Variants in IDO2 observed in about 807,000 individuals in gnomAD.
The protein encoded by IDO2 is indoleamine 2,3-dioxygenase-like 1 protein.
IDO2 carries 46 observed loss-of-function variants against 45.1 expected under a neutral mutation model. The observed-to-expected ratio is 1.02, with a 90% CI of 0.80 to 1.30. IDO2 has a LOEUF of 1.30. IDO2 is among the 50% of genes most tolerant of loss of function. The pLI is 0.00. For missense variants in IDO2, 544 were observed against 491.8 expected, an observed-to-expected ratio of 1.11 and a Z score of -1.00; for synonymous variants, 218 against 184.9, an observed-to-expected ratio of 1.18 and a Z score of -1.45.
chr8:39,942,408 T>C (rs113650357), intron 1 of IDO2, among the ~76,000 whole-genome samples: 1 of 151,876 alleles, frequency 6.6e-6, no homozygotes, highest in Non-Finnish European at 1.5e-5. Flanking sequence ...TTTTGGGAGG[T>C]TGAGGCAGGC....
exon 11 of IDO2, chr8:40,016,310 C>A (rs1005431475): frequency 7.5e-5 from 30 of 397,516 alleles, no homozygotes; most frequent in Middle Eastern, 1.3e-3. Context: ...ATGAATGGAT[C>A]CTATATAAGT....
intron 1 of IDO2, among the ~76,000 whole-genome samples, chr8:39,947,198 A>G (rs1807748102): frequency 6.7e-6 from 1 of 149,126 alleles, no homozygotes; most frequent in Admixed American, 6.7e-5. Flanking sequence ...AAAAAAAAGA[A>G]GTAGAGTGTT....
At chr8:39,988,062 C>G (rs146858481) in intron 7 of IDO2, 92 bp downstream of exon 7, 13 of 721,782 alleles carry the variant, frequency 1.8e-5, no homozygotes, top group Non-Finnish European at 2.6e-5. Context: ...TTTCTCAACA[C>G]AAATGAACAT....
chr8:39,992,644 T>G (rs1224049905), intron 8 of IDO2, among the ~76,000 whole-genome samples: 1 of 152,242 alleles, frequency 6.6e-6, no homozygotes, highest in Non-Finnish European at 1.5e-5. Flanking sequence ...ATCACCTGAA[T>G]GCTCCAGTCA....
At chr8:40,009,264 C>T (rs1474021455) in intron 9 of IDO2, among the ~76,000 whole-genome samples, 1 of 152,176 alleles carries the variant, frequency 6.6e-6, no homozygotes, top group African/African-American at 2.4e-5. Flanking sequence ...ATCTGCCCAC[C>T]TTGGTCCCCC....
chr8:40,004,654 G>T (rs2129595313), intron 8 of IDO2, among the ~76,000 whole-genome samples: 1 of 150,860 alleles, frequency 6.6e-6, no homozygotes, highest in Admixed American at 6.7e-5. Flanking sequence ...GAATTCAGAG[G>T]GGTCCCACTA....
intron 8 of IDO2, among the ~76,000 whole-genome samples, chr8:39,995,730 A>G (rs959961024): frequency 6.6e-6 from 1 of 152,242 alleles, no homozygotes; most frequent in African/African-American, 2.4e-5. Context: ...CCAGTATTAT[A>G]ATAATCTTTG....
rs538930165 is a variant in IDO2, at chr8:39,984,880, T to C, written c.435-628T>C. ...TAGGAATCAACTAGCTAGAATAAAA[T>C]GTGGGGTTGTGGTAAATACAAAAAT... On this transcript the variant is annotated intron_variant, in intron 5 of 10. Coordinates refer to ENST00000502986, the Ensembl canonical transcript of IDO2. 5.6e-5 allele frequency: 24 copies of C among 431,430 alleles called. 1 individual carries two copies. In the East Asian group the frequency reaches 1.8e-3, roughly 32 times the overall value. The allele number at this position is 431,430 out of a possible 1,614,324, so 26.7% of individuals were successfully genotyped here.
chr8:39,941,696 G>T (rs999583284), intron 1 of IDO2, among the ~76,000 whole-genome samples: 3 of 152,108 alleles, frequency 2.0e-5, no homozygotes, highest in Admixed American at 6.5e-5. Flanking sequence ...GCTCATTAAT[G>T]CTGCAAATGT....
intron 8 of IDO2, among the ~76,000 whole-genome samples, chr8:39,996,085 A>G (rs1802042765): frequency 6.6e-6 from 1 of 150,938 alleles, no homozygotes; most frequent in Non-Finnish European, 1.5e-5. Flanking sequence ...AAAAAAAAAA[A>G]AAAGAAAAGA....
At chr8:39,952,541 C>T (rs1379444411) in intron 2 of IDO2, among the ~76,000 whole-genome samples, 1 of 152,206 alleles carries the variant, frequency 6.6e-6, no homozygotes, top group Non-Finnish European at 1.5e-5. Context: ...AATGTTCAAA[C>T]CTTTCCAAGC....
At chr8:39,946,338 G>A (rs7837942) in intron 1 of IDO2, among the ~76,000 whole-genome samples, 5,508 of 152,278 alleles carry the variant, frequency 0.036, 323 homozygotes, top group African/African-American at 0.13. Flanking sequence ...CCCACTGGGC[G>A]GTGGCTCATG....
intron 1 of IDO2, among the ~76,000 whole-genome samples, chr8:39,947,435 T>C (rs564980922): frequency 8.0e-4 from 122 of 152,346 alleles, no homozygotes; most frequent in African/African-American, 2.9e-3. Context: ...GGCATGTTTA[T>C]ACTGGTCTAA....
At chr8:40,015,562 G>A (rs1246289087) in exon 11 of IDO2, 21 of 1,613,722 alleles carry the variant, frequency 1.3e-5, no homozygotes, top group Non-Finnish European at 1.7e-5. Flanking sequence ...AAGAGTGTCA[G>A]GGATAAGACC....
chr8:40,007,800 G>T (rs1433315129), intron 9 of IDO2, among the ~76,000 whole-genome samples: 1 of 152,170 alleles, frequency 6.6e-6, no homozygotes, highest in Non-Finnish European at 1.5e-5. Context: ...AAGCTCAACT[G>T]ACTTTTCCAT....
intron 6 of IDO2, chr8:39,985,781 C>A: frequency 2.6e-6 from 1 of 384,024 alleles, no homozygotes; most frequent in Non-Finnish European, 4.7e-6. Context: ...AAGTAATGTG[C>A]AATGCAAACA....
At chr8:39,956,815 G>A (rs1206399380) in intron 2 of IDO2, among the ~76,000 whole-genome samples, 2 of 152,042 alleles carry the variant, frequency 1.3e-5, no homozygotes, top group African/African-American at 4.8e-5. Context: ...GGGAGGCTGA[G>A]GCGGGTGGAT....
rs10105305 is a variant in IDO2 at position 39,937,236 on chromosome 8, A to T, written c.-18+2018A>T. ...GTTGAATGATGGCTCCCAGTTTATC[A>T]TGCAGGTGGGATTATATTCCAACAG... On this transcript the variant is annotated intron_variant, in intron 1 of 10. Transcript: ENST00000502986. 6.5e-3 allele frequency among the ~76,000 whole-genome samples: 986 copies of T among 152,328 alleles called. 15 individuals are homozygous for T. The highest frequency in any genetic ancestry group is 0.023 in the African/African-American group (939 of 41,562).
Position 39,982,649 on chromosome 8 carries a change from A to G in IDO2, c.316-3A>G. 1 of 1,584,802 alleles carries G rather than the reference A, an allele frequency of 6.3e-7. No homozygotes were observed. Among genetic ancestry groups the G allele is most frequent in the Non-Finnish European group, 8.6e-7 (1 of 1,157,798 alleles). On this transcript the variant is annotated splice_region_variant and splice_polypyrimidine_tract_variant and intron_variant, in intron 4 of 10. Coordinates refer to ENST00000502986, the Ensembl canonical transcript of IDO2. ...GCTATTTGTCTGGATTTATATCTGAAAGGTCCTGCCAAGGAATCTTGCCCT... is the reference window on the plus strand; with the variant it reads ...GCTATTTGTCTGGATTTATATCTGAGAGGTCCTGCCAAGGAATCTTGCCCT...
Sources: gnomAD v4.1 joint callset for allele counts (sites outside exome capture counted in the v4.1 genomes callset) on GRCh38, gnomAD v4.1.1 for gene constraint, MANE v1.5 for transcripts, NCBI Gene and HGNC (gene_info 2026-07-23, HGNC 2026-07-21) for gene names.